Variants in ZNF141 observed in about 807,000 individuals in gnomAD.
ZNF141 encodes zinc finger protein 141 (clone pHZ-44).
A neutral mutation model predicts 11.3 loss-of-function variants in ZNF141; 7 were observed. The ratio of observed to expected loss-of-function variants is 0.62; its 90% confidence interval spans 0.35 to 1.16. ZNF141 has a LOEUF of 1.16. Ranked by LOEUF, ZNF141 falls within the 50% of genes most tolerant of loss-of-function variation. The pLI is 0.02. For missense variants in ZNF141, 535 were observed against 554.0 expected (o/e 0.97, Z 0.34); for synonymous variants, 183 against 190.7 (o/e 0.96, Z 0.33).
intron 3 of ZNF141, among the ~76,000 whole-genome samples, chr4:365,759 C>T (rs1711714242): frequency 6.6e-6 from 1 of 152,094 alleles, no homozygotes; most frequent in Non-Finnish European, 1.5e-5. Context: ...ATCCAAATAG[C>T]TTTATAGGTT....
At position 384,723 on chromosome 4, in the gene ZNF141, C is replaced by T. The variant is rs1222859528; in HGVS notation, c.*10861C>T. On this transcript the variant is annotated 3_prime_UTR_variant, in exon 4 of 4. Coordinates refer to ENST00000240499, the MANE Select transcript of ZNF141 (RefSeq NM_003441.4). ...CCTTAGCGGGGAAATTTACCCCTCC[C>T]ATTTGGGCAGAACCCACAGAAGACT... The T allele has an allele frequency of 6.6e-6, 1 of 152,226 alleles. No homozygotes were observed. The highest frequency in any genetic ancestry group is 2.4e-5 in the African/African-American group (1 of 41,428). 9.4% of individuals were successfully genotyped at this position (152,226 alleles called of 1,614,324 possible). A position where few individuals can be genotyped will look rare whatever the true frequency, so the allele number is the denominator to read the frequency against.
intron 1 of ZNF141, among the ~76,000 whole-genome samples, chr4:338,786 G>A (rs1302067588): frequency 6.6e-6 from 1 of 152,204 alleles, no homozygotes; most frequent in Non-Finnish European, 1.5e-5. Flanking sequence ...GGGTGGTGTC[G>A]TTAGTGAGTT....
chr4:337,935 T>C lies in ZNF141; in HGVS notation c.-49T>C, dbSNP rs1581572007. The C allele has an allele frequency of 6.2e-7, 1 of 1,610,544 alleles. No homozygotes were observed. Among genetic ancestry groups the C allele is most frequent in the African/African-American group, 1.3e-5 (1 of 74,776 alleles). On this transcript the variant is annotated 5_prime_UTR_variant, in exon 1 of 4. Transcript: ENST00000240499. ...CCTCCGTCGCTCTGTGACCTGCGGG[T>C]ATTGGATGATTGGTAGCTAAGACTC...
At chr4:372,152 C>T (rs1712099790) in intron 3 of ZNF141, among the ~76,000 whole-genome samples, 1 of 152,246 alleles carries the variant, frequency 6.6e-6, no homozygotes, top group Non-Finnish European at 1.5e-5. Context: ...CTGCAGTCTG[C>T]TCCTGAAACA....
chr4:344,792 C>CA (rs1721242129), intron 3 of ZNF141, among the ~76,000 whole-genome samples: 1 of 151,986 alleles, frequency 6.6e-6, no homozygotes, highest in Non-Finnish European at 1.5e-5. Flanking sequence ...GACTCCGTCT[C>CA]AAAAAATAAA....
At position 373,288 on chromosome 4, in the gene ZNF141, CAT is replaced by C. The variant is rs1553853926; in HGVS notation, c.852_853del (p.Cys285Ter). On this transcript the variant is annotated frameshift_variant, in exon 4 of 4. Transcript: ENST00000240499. LOFTEE classifies it low-confidence loss of function (END_TRUNC). ...ATTCATGCTGGAGAGAAACCCATCA[CAT>C]GTGAAGAATGTAGGAAAATCTTTAC... 1.9e-6 allele frequency: 3 copies of C among 1,613,790 alleles called. No homozygotes were observed. The highest frequency in any genetic ancestry group is 2.5e-6 in the Non-Finnish European group (3 of 1,179,944).
In ZNF141 at chr4:380,962, A is replaced by T. The variant is rs1712587940; in HGVS notation, c.*7100A>T. On this transcript the variant is annotated 3_prime_UTR_variant, in exon 4 of 4. Coordinates refer to ENST00000240499, the MANE Select transcript of ZNF141 (RefSeq NM_003441.4). ...TGTATTTAAACCATATAAACTCTAGAATTGCCCTTCGATACTGACGTACTT... is the reference window on the plus strand; with the variant it reads ...TGTATTTAAACCATATAAACTCTAGTATTGCCCTTCGATACTGACGTACTT... 6.6e-6 allele frequency among the ~76,000 whole-genome samples: 1 copy of T among 152,198 alleles called. No homozygotes were observed. Among genetic ancestry groups the T allele is most frequent in the Admixed American group, 6.5e-5 (1 of 15,280 alleles).
chr4:342,137 A>C (rs1721078295), intron 1 of ZNF141, among the ~76,000 whole-genome samples: 1 of 152,238 alleles, frequency 6.6e-6, no homozygotes, highest in Non-Finnish European at 1.5e-5. Context: ...AAATCTGGGA[A>C]GTATGGGACA....
intron 3 of ZNF141, among the ~76,000 whole-genome samples, chr4:369,118 G>C (rs1553853210): frequency 3.3e-5 from 5 of 151,756 alleles, no homozygotes; most frequent in Non-Finnish European, 7.4e-5. Context: ...CTTTAATTCT[G>C]TCAGTATTTG....
rs1553855187 is a variant in ZNF141 at position 379,715 on chromosome 4, T to TA, written c.*5853_*5854insA. ...ACAAAAACAGCACAAAAACTATATA[T>TA]TTTTTATAATACTCAAGTTGTTTGA... On this transcript the variant is annotated 3_prime_UTR_variant, in exon 4 of 4. Coordinates refer to ENST00000240499, the MANE Select transcript of ZNF141 (RefSeq NM_003441.4). Among the ~76,000 whole-genome samples the TA allele has an allele frequency of 6.6e-6, 1 of 152,218 alleles. No individual in the cohort carries two copies. The highest frequency in any genetic ancestry group is 1.5e-5 in the Non-Finnish European group (1 of 68,040).
chr4:350,994 C>T (rs193260767), intron 3 of ZNF141, among the ~76,000 whole-genome samples: 1,897 of 151,894 alleles, frequency 0.012, 12 homozygotes, highest in Middle Eastern at 0.041. Context: ...CATGATCCGT[C>T]CACCTCAGCC....
At chr4:344,026 G>T in intron 2 of ZNF141, 118 bp downstream of exon 2, 1 of 1,362,806 alleles carries the variant, frequency 7.3e-7, no homozygotes, top group Non-Finnish European at 9.9e-7. Flanking sequence ...CTCTTTTCTT[G>T]AGCTAATTTG....
chr4:338,163 C>A, intron 1 of ZNF141, 177 bp downstream of exon 1: 1 of 720,564 alleles, frequency 1.4e-6, no homozygotes, highest in Non-Finnish European at 2.2e-6. Flanking sequence ...GCGGCTCTGG[C>A]CCAGCCTGCA....
chr4:363,037 G>A (rs550321157), intron 3 of ZNF141, among the ~76,000 whole-genome samples: 14 of 152,200 alleles, frequency 9.2e-5, no homozygotes, highest in South Asian at 2.1e-4. Context: ...ATTTGTTTGC[G>A]TCCTCTTTTA....
At position 380,364 on chromosome 4, in the gene ZNF141, T is replaced by C. The variant is rs1258279791; in HGVS notation, c.*6502T>C. 6.6e-6 allele frequency among the ~76,000 whole-genome samples: 1 copy of C among 152,000 alleles called. No individual in the cohort carries two copies. Among genetic ancestry groups the C allele is most frequent in the Non-Finnish European group, 1.5e-5 (1 of 67,988 alleles). ...AATACTGTATATGTGTTAATAAATT[T>C]TATTTTCGGCCAGGCGTGGTGGCTC... On this transcript the variant is annotated 3_prime_UTR_variant, in exon 4 of 4. Transcript: ENST00000240499.
In ZNF141 at chr4:378,571, A is replaced by G. The variant is rs1712473781; in HGVS notation, c.*4709A>G. On this transcript the variant is annotated 3_prime_UTR_variant, in exon 4 of 4. Coordinates refer to ENST00000240499, the MANE Select transcript of ZNF141 (RefSeq NM_003441.4). ...GCATGAGCCACCGTGCCTGGCCAGA[A>G]TATTATATCTTTGAGTGTGAATGTT... Among the ~76,000 whole-genome samples the G allele has an allele frequency of 6.6e-6, 1 of 152,114 alleles. No individual in the cohort carries two copies. Among genetic ancestry groups the G allele is most frequent in the South Asian group, 2.1e-4 (1 of 4,826 alleles).
At chr4:343,204 A>T (rs1477195544) in intron 1 of ZNF141, among the ~76,000 whole-genome samples, 7 of 152,104 alleles carry the variant, frequency 4.6e-5, no homozygotes, top group Admixed American at 4.6e-4. Flanking sequence ...CCTTTGTTCC[A>T]GGAGGTCACA....
At chr4:350,951 A>G (rs1304272752) in intron 3 of ZNF141, among the ~76,000 whole-genome samples, 2 of 149,476 alleles carry the variant, frequency 1.3e-5, no homozygotes, top group Non-Finnish European at 3.0e-5. Context: ...GGGTTTCACC[A>G]TGTTAGCCAG....
Position 382,955 on chromosome 4 carries a change from T to C in ZNF141, c.*9093T>C. 1 of 495,490 alleles carries C rather than the reference T, an allele frequency of 2.0e-6. No individual in the cohort carries two copies. The highest frequency in any genetic ancestry group is 2.0e-5 in the African/African-American group (1 of 51,106). 30.7% of individuals were successfully genotyped at this position (495,490 alleles called of 1,614,324 possible). A position where few individuals can be genotyped will look rare whatever the true frequency, so the allele number is the denominator to read the frequency against. On this transcript the variant is annotated 3_prime_UTR_variant, in exon 4 of 4. Transcript: ENST00000240499. ...CTTATTGTATTCATGTCCTTGGAAATGGCTTTTATAGTCGTTCCTATCAAG... is the reference window on the plus strand; with the variant it reads ...CTTATTGTATTCATGTCCTTGGAAACGGCTTTTATAGTCGTTCCTATCAAG...
Sources: allele counts gnomAD v4.1 joint callset (sites outside exome capture counted in the v4.1 genomes callset), GRCh38; gene constraint gnomAD v4.1.1; transcripts MANE v1.5; gene names NCBI Gene and HGNC (gene_info 2026-07-23, HGNC 2026-07-21).